Variants in MIGA1 observed in about 807,000 individuals in gnomAD.
The protein encoded by MIGA1 is mitoguardin 1, also known as family with sequence similarity 73, member A.
A neutral mutation model predicts 82.0 loss-of-function variants in MIGA1; 58 were observed. The observed-to-expected ratio is 0.71, with a 90% confidence interval of 0.57 to 0.88. The LOEUF (loss-of-function observed/expected upper bound fraction) is 0.88. MIGA1 is among the 40% of genes least tolerant of loss of function. The pLI, the probability that MIGA1 is intolerant of heterozygous loss-of-function variation, is 0.00. For missense variants in MIGA1, 751 were observed against 749.1 expected (o/e 1.00, Z -0.03); for synonymous variants, 249 against 253.6 (o/e 0.98, Z 0.17).
At chr1:77,864,687 C>G (rs372699897) in intron 13 of MIGA1, among the ~76,000 whole-genome samples, 3 of 152,090 alleles carry the variant, frequency 2.0e-5, no homozygotes, top group South Asian at 4.2e-4. Context: ...AAAAAAATGT[C>G]AAAACTGGGT....
rs542418578 is a variant in MIGA1, at chr1:77,874,827, A to G, written c.1681-19A>G. On this transcript the variant is annotated intron_variant, in intron 15 of 15. Transcript: ENST00000370791. ...CTTAATTTTGGTCTAATAAATGCCA[A>G]TTTATGTTCATTTTCCAGAATCAAG... is the stretch of plus-strand genomic sequence containing the variant. The G allele has an allele frequency of 2.5e-6, 4 of 1,592,396 alleles. No individual in the cohort carries two copies. The highest frequency in any genetic ancestry group is 2.2e-5 in the South Asian group (2 of 89,584).
intron 1 of MIGA1, 146 bp downstream of exon 1, chr1:77,779,882 G>A (rs930601693): frequency 1.3e-5 from 18 of 1,425,332 alleles, no homozygotes; most frequent in Non-Finnish European, 1.5e-5. Context: ...CAGGTGGAGC[G>A]GCGGAAAGCC....
intron 8 of MIGA1, among the ~76,000 whole-genome samples, chr1:77,850,385 A>G (rs914497925): frequency 2.0e-5 from 3 of 152,164 alleles, no homozygotes; most frequent in South Asian, 2.1e-4. Flanking sequence ...TGAAGACCCA[A>G]TTTGGAGGGT....
intron 8 of MIGA1, among the ~76,000 whole-genome samples, chr1:77,854,534 C>T (rs1024059350): frequency 6.6e-6 from 1 of 152,150 alleles, no homozygotes; most frequent in Non-Finnish European, 1.5e-5. Flanking sequence ...TAGAAGTGTT[C>T]CCTGATCACT....
rs763838009 is a variant in MIGA1, at chr1:77,803,330, A to G, written c.434A>G (p.Lys145Arg). The change falls in exon 4 of 16, where the codon AAA (lysine) becomes AGA (arginine). Residue 145 changes from lysine (K) to arginine (R), a missense_variant. Coordinates refer to ENST00000370791, the MANE Select transcript of MIGA1 (RefSeq NM_198549.4). ...TTATCTTTAAGTTCTACCAAAGACA[A>G]AGGATCTCAAGTTTGTAACTATGCT... 1.9e-5 allele frequency: 29 copies of G among 1,566,134 alleles called. No individual in the cohort carries two copies. The South Asian group carries it at 3.0e-4, about 16-fold the overall frequency.
intron 2 of MIGA1, among the ~76,000 whole-genome samples, chr1:77,796,930 A>G (rs1362730895): frequency 6.6e-6 from 1 of 152,124 alleles, no homozygotes; most frequent in Non-Finnish European, 1.5e-5. Flanking sequence ...CTTCATCCCC[A>G]GAGTTCCCGT....
intron 2 of MIGA1, among the ~76,000 whole-genome samples, chr1:77,785,049 C>A (rs1682087310): frequency 6.6e-6 from 1 of 152,076 alleles, no homozygotes; most frequent in Non-Finnish European, 1.5e-5. Context: ...TGCTCCTGGC[C>A]CCTCCCAAAT....
chr1:77,811,458 G>A, intron 5 of MIGA1: 1 of 1,542,074 alleles, frequency 6.5e-7, no homozygotes, highest in Non-Finnish European at 9.0e-7. Flanking sequence ...CATCAAATGG[G>A]AATTCTTTAT....
At chr1:77,850,602 GTCAT>G (rs1391398119) in intron 8 of MIGA1, among the ~76,000 whole-genome samples, 2 of 152,214 alleles carry the variant, frequency 1.3e-5, no homozygotes, top group East Asian at 3.9e-4. Context: ...TTCATTCATG[GTCAT>G]TCAGAGGACC....
chr1:77,815,202 CT>C lies in MIGA1; in HGVS notation c.867del (p.Asp290IlefsTer17). On this transcript the variant is annotated frameshift_variant, in exon 7 of 16. Transcript: ENST00000370791. LOFTEE classifies it high-confidence loss of function. The stretch of plus-strand genomic sequence containing the variant: ...GAGTTTGAAGCTACCCTTGGGGCAT[CT>C]GATCCTAATTCCCTTGCTGATGATA... 1 of 1,607,394 alleles carries C rather than the reference CT, an allele frequency of 6.2e-7. No individual in the cohort carries two copies. The highest frequency in any genetic ancestry group is 8.5e-7 in the Non-Finnish European group (1 of 1,176,450).
intron 3 of MIGA1, among the ~76,000 whole-genome samples, chr1:77,802,427 C>T (rs193135341): frequency 6.6e-6 from 1 of 152,212 alleles, no homozygotes; most frequent in Admixed American, 6.5e-5. Flanking sequence ...TGCCCAAGGT[C>T]ATATAATTTA....
intron 7 of MIGA1, among the ~76,000 whole-genome samples, chr1:77,826,939 G>C (rs773641027): frequency 1.7e-4 from 26 of 150,934 alleles, no homozygotes; most frequent in Middle Eastern, 3.4e-3. Flanking sequence ...CGAGTAACTG[G>C]GATTAAAAGC....
intron 2 of MIGA1, among the ~76,000 whole-genome samples, chr1:77,800,974 TCA>T (rs1682859093): frequency 6.6e-6 from 1 of 152,204 alleles, no homozygotes; most frequent in Non-Finnish European, 1.5e-5. Context: ...TTTTTAAAGC[TCA>T]GTTTAATCAT....
In MIGA1 at chr1:77,862,757, A is replaced by G. The variant is rs531040568; in HGVS notation, c.1375-1137A>G. Among the ~76,000 whole-genome samples, 14 of 152,096 alleles carry G rather than the reference A, an allele frequency of 9.2e-5. No individual in the cohort carries two copies. The South Asian group carries it at 2.9e-3, about 32-fold the overall frequency. The stretch of plus-strand genomic sequence containing the variant: ...GGAGTTTGAGATCAGCCAGGCCAAC[A>G]TGGTGAAGCCCTGTCTCCACTAAAA... On this transcript the variant is annotated intron_variant, in intron 12 of 15. Coordinates refer to ENST00000370791, the MANE Select transcript of MIGA1 (RefSeq NM_198549.4).
chr1:77,833,403 T>A (rs114154082), intron 7 of MIGA1, among the ~76,000 whole-genome samples: 443 of 152,284 alleles, frequency 2.9e-3, no homozygotes, highest in Non-Finnish European at 5.5e-3. Context: ...ATTATACAAG[T>A]TAAAGTAGGT....
At position 77,809,753 on chromosome 1, in the gene MIGA1, TG is replaced by T. The variant is rs1298988398; in HGVS notation, c.637+2653del. On this transcript the variant is annotated intron_variant, in intron 5 of 15. Transcript: ENST00000370791. ...TATAATTGGTTTTTATGTGCATAAA[TG>T]TTTTTTTTTTTTTTTTGTACTATGA... 1.6e-3 allele frequency among the ~76,000 whole-genome samples: 158 copies of T among 98,418 alleles called. No homozygotes were observed. The East Asian group carries it at 0.029, about 18-fold the overall frequency. The allele number at this position is 98,418 out of a possible 152,430, so 64.6% of individuals were successfully genotyped here.
chr1:77,867,748 A>G (rs982364638), intron 14 of MIGA1, among the ~76,000 whole-genome samples: 5 of 152,234 alleles, frequency 3.3e-5, no homozygotes, highest in African/African-American at 1.2e-4. Context: ...GTATTTTATC[A>G]TATCCATATT....
At chr1:77,797,032 A>G (rs1682685903) in intron 2 of MIGA1, among the ~76,000 whole-genome samples, 2 of 152,208 alleles carry the variant, frequency 1.3e-5, no homozygotes, top group Admixed American at 1.3e-4. Context: ...TGTCACATAA[A>G]TGGAATTAAA....
In MIGA1 at chr1:77,876,974, G is replaced by T. The variant is rs1304975113; in HGVS notation, c.*1910G>T. 6.6e-6 allele frequency: 1 copy of T among 152,054 alleles called. No homozygotes were observed. Among genetic ancestry groups the T allele is most frequent in the Non-Finnish European group, 1.5e-5 (1 of 68,020 alleles). The allele number at this position is 152,054 out of a possible 1,614,324, so 9.4% of individuals were successfully genotyped here. A position where few individuals can be genotyped will look rare whatever the true frequency, so the allele number is the denominator to read the frequency against. ...CTAAAACGGGCTTTAGTCATTTTAG[G>T]AGTGAGTTGCACAAAAGGACCTAAA... On this transcript the variant is annotated 3_prime_UTR_variant, in exon 16 of 16. Coordinates refer to ENST00000370791, the MANE Select transcript of MIGA1 (RefSeq NM_198549.4).
Sources: allele counts gnomAD v4.1 joint callset (sites outside exome capture counted in the v4.1 genomes callset), GRCh38; gene constraint gnomAD v4.1.1; transcripts MANE v1.5; gene names NCBI Gene and HGNC (gene_info 2026-07-23, HGNC 2026-07-21).